GRID2: variants seen among roughly 807,000 people sequenced by gnomAD.
GRID2 encodes glutamate receptor ionotropic, delta-2.
GRID2 carries 33 observed loss-of-function variants against 114.8 expected under a neutral mutation model. The observed-to-expected ratio is 0.29, with a 90% confidence interval of 0.22 to 0.38. The LOEUF is 0.38. Among genes scored for constraint, GRID2 ranks in the 10% least tolerant of loss-of-function variants. The pLI, the probability that GRID2 is intolerant of heterozygous loss-of-function variation, is 1.00. For synonymous variants in GRID2, 505 were observed against 449.9 expected (o/e 1.12, Z -1.55); for missense variants, 1,184 against 1,257.7 (o/e 0.94, Z 0.89).
chr4:92,947,735 TGTA>T (rs1433633426), intron 2 of GRID2, among the ~76,000 whole-genome samples: 3 of 151,768 alleles, frequency 2.0e-5, no homozygotes, highest in Non-Finnish European at 4.4e-5. Context: ...TTTGTAATGA[TGTA>T]GTGAATACAG....
In GRID2 at chr4:92,962,986, C is replaced by T. The variant is rs1386446487; in HGVS notation, c.245-122009C>T. 2.6e-5 allele frequency among the ~76,000 whole-genome samples: 4 copies of T among 151,922 alleles called. No individual in the cohort carries two copies. The East Asian group carries it at 7.8e-4, about 29-fold the overall frequency. ...AGCAAGCCACACATTTTTTTGTTTC[C>T]CAGTACATATCAAAGTTATGTTTCC... On this transcript the variant is annotated intron_variant, in intron 2 of 15. Coordinates refer to ENST00000282020, the MANE Select transcript of GRID2 (RefSeq NM_001510.4).
intron 2 of GRID2, among the ~76,000 whole-genome samples, chr4:92,643,765 TA>T (rs560270129): frequency 6.6e-6 from 1 of 150,950 alleles, no homozygotes; most frequent in African/African-American, 2.4e-5. Flanking sequence ...TGGCCAAATT[TA>T]AAAAAAAATT....
chr4:93,508,168 A>C (rs1414223896), intron 12 of GRID2, among the ~76,000 whole-genome samples: 1 of 151,302 alleles, frequency 6.6e-6, no homozygotes, highest in Non-Finnish European at 1.5e-5. Flanking sequence ...ATAATAAAAT[A>C]AAAAAGTTTT....
chr4:92,619,548 T>C (rs62307901), intron 2 of GRID2, among the ~76,000 whole-genome samples: 8,445 of 151,674 alleles, frequency 0.056, 305 homozygotes, highest in East Asian at 0.16. Context: ...AAAACTGTTA[T>C]CATTTTTGGC....
At chr4:92,794,874 T>TTTTATATATATATA (rs139320071) in intron 2 of GRID2, among the ~76,000 whole-genome samples, 1 of 106,036 alleles carries the variant, frequency 9.4e-6, no homozygotes, top group African/African-American at 4.2e-5. Flanking sequence ...AATAATTGTT[T>TTTTATATATATATA]TATATATATA....
At chr4:92,692,444 A>G (rs1330302133) in intron 2 of GRID2, among the ~76,000 whole-genome samples, 1 of 152,208 alleles carries the variant, frequency 6.6e-6, no homozygotes, top group East Asian at 1.9e-4. Flanking sequence ...TATGTTTAAA[A>G]TAGATATTTA....
intron 7 of GRID2, among the ~76,000 whole-genome samples, chr4:93,225,445 G>T (rs946156576): frequency 2.0e-5 from 3 of 151,960 alleles, no homozygotes; most frequent in Non-Finnish European, 4.4e-5. Flanking sequence ...TTTTCCATTT[G>T]TCTTGTACCG....
intron 1 of GRID2, among the ~76,000 whole-genome samples, chr4:92,385,318 G>C (rs1579277922): frequency 7.0e-6 from 1 of 142,832 alleles, no homozygotes; most frequent in Admixed American, 6.7e-5. Context: ...CAAATTGTCA[G>C]TGTTTTGTTG....
At chr4:92,807,789 A>G (rs1260874669) in intron 2 of GRID2, among the ~76,000 whole-genome samples, 1 of 151,872 alleles carries the variant, frequency 6.6e-6, no homozygotes, top group East Asian at 1.9e-4. Flanking sequence ...TAACTTCTAC[A>G]TTTACCCACA....
At chr4:93,194,053 G>C (rs968241682) in intron 4 of GRID2, among the ~76,000 whole-genome samples, 2 of 152,134 alleles carry the variant, frequency 1.3e-5, no homozygotes, top group African/African-American at 4.8e-5. Flanking sequence ...GCTTTGACAA[G>C]TCATTTATTT....
intron 2 of GRID2, among the ~76,000 whole-genome samples, chr4:92,849,231 A>T (rs1743575621): frequency 1.3e-5 from 2 of 151,960 alleles, no homozygotes; most frequent in Admixed American, 1.3e-4. Flanking sequence ...AAGCATCTTG[A>T]GTACTATAAT....
chr4:92,909,130 G>T (rs917445070), intron 2 of GRID2, among the ~76,000 whole-genome samples: 1 of 152,022 alleles, frequency 6.6e-6, no homozygotes, highest in East Asian at 1.9e-4. Context: ...ATCTTTAAAA[G>T]AATTATTTTT....
At chr4:93,595,495 C>T (rs1738987492) in intron 13 of GRID2, among the ~76,000 whole-genome samples, 1 of 152,124 alleles carries the variant, frequency 6.6e-6, no homozygotes, top group African/African-American at 2.4e-5. Flanking sequence ...GGGAATAATA[C>T]CTACTCATGA....
chr4:92,985,493 T>G (rs981601690), intron 2 of GRID2, among the ~76,000 whole-genome samples: 1 of 152,056 alleles, frequency 6.6e-6, no homozygotes, highest in South Asian at 2.1e-4. Flanking sequence ...CGCCTCAGCC[T>G]TCCAAAGTGC....
chr4:93,657,918 T>C (rs2149732435), intron 14 of GRID2, among the ~76,000 whole-genome samples: 1 of 152,256 alleles, frequency 6.6e-6, no homozygotes, highest in African/African-American at 2.4e-5. Context: ...AGTAATTGAG[T>C]TGAAACAGAG....
chr4:93,248,097 AC>A (rs1748408782), intron 8 of GRID2, among the ~76,000 whole-genome samples: 1 of 152,102 alleles, frequency 6.6e-6, no homozygotes, highest in Non-Finnish European at 1.5e-5. Flanking sequence ...ACACACACAC[AC>A]ACACACCAGT....
chr4:93,250,983 C>T (rs906269508), intron 8 of GRID2, among the ~76,000 whole-genome samples: 1 of 151,886 alleles, frequency 6.6e-6, no homozygotes, highest in Non-Finnish European at 1.5e-5. Flanking sequence ...ACCTTAAACA[C>T]ATACCCCCTG....
intron 2 of GRID2, among the ~76,000 whole-genome samples, chr4:93,008,566 C>T (rs1721801236): frequency 6.6e-6 from 1 of 151,574 alleles, no homozygotes; most frequent in African/African-American, 2.4e-5. Context: ...GTGGGGTTTT[C>T]TTCAGTTTTT....
At chr4:92,815,009 G>T (rs1578227445) in intron 2 of GRID2, among the ~76,000 whole-genome samples, 1 of 152,090 alleles carries the variant, frequency 6.6e-6, no homozygotes, top group African/African-American at 2.4e-5. Flanking sequence ...AGCAGGCAGT[G>T]GGGGGTGGAT....
Sources: allele counts gnomAD v4.1 joint callset (sites outside exome capture counted in the v4.1 genomes callset), GRCh38; gene constraint gnomAD v4.1.1; transcripts MANE v1.5; gene names NCBI Gene and HGNC (gene_info 2026-07-23, HGNC 2026-07-21).